The following ZFHX4 variants were observed in gnomAD, a reference collection of about 807,000 sequenced individuals.
ZFHX4 encodes zinc finger homeobox protein 4.
ZFHX4 carries 56 observed loss-of-function variants against 267.6 expected under a neutral mutation model. The observed-to-expected ratio is 0.21, with a 90% confidence interval of 0.17 to 0.26. ZFHX4 has a LOEUF of 0.26. ZFHX4 is among the 10% of genes least tolerant of loss of function. The probability of loss-of-function intolerance (pLI) is 1.00; values close to 1 mark genes in which losing one functional copy is unlikely to be tolerated. For missense variants in ZFHX4, 4,332 were observed against 4,420.0 expected (o/e 0.98, Z 0.56); for synonymous variants, 1,778 against 1,665.6 (o/e 1.07, Z -1.64).
intron 4 of ZFHX4, among the ~76,000 whole-genome samples, chr8:76,831,753 T>G (rs1282687867): frequency 6.6e-6 from 1 of 152,094 alleles, no homozygotes; most frequent in Non-Finnish European, 1.5e-5. Flanking sequence ...TTCACGTGCT[T>G]TTGGTTCTGA....
intron 3 of ZFHX4, among the ~76,000 whole-genome samples, chr8:76,732,218 A>T (rs1250317897): frequency 6.6e-6 from 1 of 152,072 alleles, no homozygotes; most frequent in East Asian, 1.9e-4. Context: ...TTCATAAAGG[A>T]ATATTTTATC....
chr8:76,686,516 A>G (rs1386058668), intron 1 of ZFHX4, among the ~76,000 whole-genome samples: 1 of 152,182 alleles, frequency 6.6e-6, no homozygotes, highest in Non-Finnish European at 1.5e-5. Flanking sequence ...GTGGCTTAAA[A>G]TATCTAATTA....
chr8:76,826,364 G>C (rs953286262), intron 4 of ZFHX4, among the ~76,000 whole-genome samples: 1 of 152,048 alleles, frequency 6.6e-6, no homozygotes, highest in South Asian at 2.1e-4. Flanking sequence ...GTTCCAGAGG[G>C]GACAAACATC....
rs771255702 is a variant in ZFHX4 at position 76,704,804 on chromosome 8, A to T, written c.716A>T (p.Asp239Val). Residue 239 changes from aspartate (D) to valine (V), a missense_variant, in exon 2 of 11, where the codon GAC (aspartate) becomes GTC (valine). Asp to Val is a radical substitution (Grantham distance 152). This residue lies in a region of ZFHX4 where 1,195 missense variants were observed against 1,173.6 expected (regional missense o/e 1.02). Coordinates refer to ENST00000651372, the MANE Select transcript of ZFHX4 (RefSeq NM_024721.5). ...VYDLRHKREK[D>V]YLTSDGSAKN... ...GATCTCCGACACAAGAGAGAGAAAG[A>T]CTATCTAACCAGTGATGGCTCAGCC... The T allele has an allele frequency of 1.2e-6, 2 of 1,614,138 alleles. No homozygotes were observed. Among genetic ancestry groups the T allele is most frequent in the South Asian group, 2.2e-5 (2 of 91,076 alleles).
rs796756876 is a variant in ZFHX4, at chr8:76,707,809, A to G, written c.2854A>G (p.Thr952Ala). The G allele has an allele frequency of 6.2e-7, 1 of 1,613,978 alleles. No homozygotes were observed. Among genetic ancestry groups the G allele is most frequent in the Middle Eastern group, 1.6e-4 (1 of 6,062 alleles). ...CCAGTGCAAGCTCTGCAACTACAAC[A>G]CTCAGCTCAAAGCCAACTTCCAGCT... ...IYQCKLCNYN[T>A]QLKANFQLHC... The change falls in exon 3 of 11, where the codon ACT becomes GCT. Residue 952 changes from threonine (T) to alanine (A), a missense_variant. Thr to Ala is a moderately conservative substitution (Grantham distance 58, BLOSUM62 0). This residue lies in a region of ZFHX4 where 4 missense variants were observed against 16.4 expected (regional missense o/e 0.24). Transcript: ENST00000651372.
At chr8:76,714,196 A>C (rs1808505709) in intron 3 of ZFHX4, among the ~76,000 whole-genome samples, 1 of 152,100 alleles carries the variant, frequency 6.6e-6, no homozygotes, top group South Asian at 2.1e-4. Flanking sequence ...CTGTGGCTTA[A>C]ATGTAATAGT....
rs547889727 is a variant in ZFHX4, at chr8:76,849,131, A to G, written c.3645+3A>G. On this transcript the variant is annotated splice_donor_region_variant and intron_variant, in intron 7 of 10. Transcript: ENST00000651372. ...ACAATAAATTCTGTCATGAACAGGT[A>G]AATACTTTTTTTCCCCTTTACTGTG... 3 of 1,545,574 alleles carry G rather than the reference A, an allele frequency of 1.9e-6. No homozygotes were observed. In the South Asian group the frequency reaches 3.7e-5, roughly 19 times the overall value.
chr8:76,851,176 C>T lies in ZFHX4; in HGVS notation c.4255C>T (p.His1419Tyr), dbSNP rs1812508957. The T allele has an allele frequency of 6.2e-7, 1 of 1,613,854 alleles. No individual in the cohort carries two copies. Among genetic ancestry groups the T allele is most frequent in the South Asian group, 1.1e-5 (1 of 91,088 alleles). The change falls in exon 10 of 11, where the codon CAT (histidine) becomes TAT (tyrosine). Residue 1419 changes from histidine (H) to tyrosine (Y), a missense_variant. Coordinates refer to ENST00000651372, the MANE Select transcript of ZFHX4 (RefSeq NM_024721.5). ...GAAGCTTCAGATACATTCCCAGTAT[C>T]ATGCAATTCGGGCTGCGACAATGTG... ...MQKLQIHSQY[H>Y]AIRAATMCNL... is the part of the protein sequence containing the mutation.
At chr8:76,711,358 A>G (rs1808418623) in intron 3 of ZFHX4, among the ~76,000 whole-genome samples, 1 of 152,194 alleles carries the variant, frequency 6.6e-6, no homozygotes, top group South Asian at 2.1e-4. Flanking sequence ...ATAAAACAAT[A>G]AGATGAAACT....
chr8:76,738,500 C>T (rs899065176), intron 3 of ZFHX4, among the ~76,000 whole-genome samples: 6 of 152,148 alleles, frequency 3.9e-5, no homozygotes, highest in Non-Finnish European at 5.9e-5. Flanking sequence ...GAACCAAAGC[C>T]ACCGATTTGC....
chr8:76,705,303 A>C lies in ZFHX4; in HGVS notation c.1215A>C (p.Glu405Asp), dbSNP rs1261064514. 1.2e-6 allele frequency: 2 copies of C among 1,614,038 alleles called. No individual in the cohort carries two copies. Among genetic ancestry groups the C allele is most frequent in the Admixed American group, 3.3e-5 (2 of 60,030 alleles). Residue 405 changes from glutamate to aspartate, a missense_variant, in exon 2 of 11, where the codon GAA (glutamate) becomes GAC (aspartate). Around this residue, in one of 7 missense-constraint regions of ZFHX4, gnomAD observed 1,195 missense variants for 1,173.6 expected, o/e 1.02. Transcript: ENST00000651372. ...GGATTACCCAAATGCCAAAGGCTGAAGTGAATCTGGGGGGGCTGTCTAGTT... is the reference window on the plus strand; with the variant it reads ...GGATTACCCAAATGCCAAAGGCTGACGTGAATCTGGGGGGGCTGTCTAGTT... ...PLGITQMPKA[E>D]VNLGGLSSLV...
intron 3 of ZFHX4, among the ~76,000 whole-genome samples, chr8:76,771,766 A>G (rs1172974184): frequency 6.6e-6 from 1 of 152,208 alleles, no homozygotes; most frequent in African/African-American, 2.4e-5. Context: ...ATTGATTAGA[A>G]TGAATGAGAG....
At chr8:76,738,899 G>A (rs1809243121) in intron 3 of ZFHX4, among the ~76,000 whole-genome samples, 1 of 151,994 alleles carries the variant, frequency 6.6e-6, no homozygotes, top group African/African-American at 2.4e-5. Flanking sequence ...ATTTTTGGTA[G>A]AGATGGGGTT....
intron 3 of ZFHX4, among the ~76,000 whole-genome samples, chr8:76,774,137 G>A (rs753345729): frequency 2.6e-5 from 4 of 152,134 alleles, no homozygotes; most frequent in Admixed American, 6.6e-5. Flanking sequence ...AGATAATGAT[G>A]AGGCATTATC....
At position 76,855,703 on chromosome 8, in the gene ZFHX4, G is replaced by A. The variant is rs1812702891; in HGVS notation, c.8782G>A (p.Gly2928Ser). The A allele has an allele frequency of 1.9e-6, 3 of 1,613,778 alleles. No homozygotes were observed. Among genetic ancestry groups the A allele is most frequent in the South Asian group, 2.2e-5 (2 of 91,078 alleles). The change falls in exon 10 of 11, where the codon GGT becomes AGT. Residue 2928 changes from glycine to serine, a missense_variant. Gly to Ser is a moderately conservative substitution (Grantham distance 56). This residue lies in a region of ZFHX4 where 1,648 missense variants were observed against 1,625.0 expected (regional missense o/e 1.01). Coordinates refer to ENST00000651372, the MANE Select transcript of ZFHX4 (RefSeq NM_024721.5). ...PFKSKSNDRP[G>S]HKRFRTQMSN... ...TAAATCCAAAAGTAATGATCGGCCG[G>A]GTCACAAGCGTTTTCGAACGCAAAT...
intron 4 of ZFHX4, among the ~76,000 whole-genome samples, chr8:76,780,945 C>A (rs1440451296): frequency 1.3e-5 from 2 of 151,940 alleles, no homozygotes; most frequent in African/African-American, 4.8e-5. Flanking sequence ...TGTATAGGAC[C>A]TGGGTTTACC....
At chr8:76,735,615 G>A (rs551523579) in intron 3 of ZFHX4, among the ~76,000 whole-genome samples, 1 of 152,012 alleles carries the variant, frequency 6.6e-6, no homozygotes, top group Admixed American at 6.6e-5. Context: ...CTGTTTCTGT[G>A]GAATATGAAC....
Position 76,855,736 on chromosome 8 carries a change from C to G in ZFHX4, c.8815C>G (p.Leu2939Val). Reference protein sequence around the residue: ...HKRFRTQMSNLQLKVLKACFS... With the variant: ...HKRFRTQMSNVQLKVLKACFS... ...GCGTTTTCGAACGCAAATGAGCAATCTTCAACTCAAGGTTCTCAAGGCTTG... is the reference window on the plus strand; with the variant it reads ...GCGTTTTCGAACGCAAATGAGCAATGTTCAACTCAAGGTTCTCAAGGCTTG... The change falls in exon 10 of 11, where the codon CTT becomes GTT. Residue 2939 changes from leucine (L) to valine (V), a missense_variant. Coordinates refer to ENST00000651372, the MANE Select transcript of ZFHX4 (RefSeq NM_024721.5). 6.2e-7 allele frequency: 1 copy of G among 1,613,966 alleles called. No homozygotes were observed. Among genetic ancestry groups the G allele is most frequent in the Non-Finnish European group, 8.5e-7 (1 of 1,179,886 alleles).
chr8:76,708,462 TG>T (rs1808339366), intron 3 of ZFHX4, among the ~76,000 whole-genome samples: 1 of 152,194 alleles, frequency 6.6e-6, no homozygotes, highest in South Asian at 2.1e-4. Context: ...CATAATATTT[TG>T]TTTGGTGACA....
Sources: gnomAD v4.1 joint callset for allele counts (sites outside exome capture counted in the v4.1 genomes callset) on GRCh38, gnomAD v4.1.1 for gene constraint, gnomAD v4.1.1 regional missense constraint, MANE v1.5 for transcripts, NCBI Gene and HGNC (gene_info 2026-07-23, HGNC 2026-07-21) for gene names.